Variants in PIBF1 observed in about 807,000 individuals in gnomAD.
The protein encoded by PIBF1 is progesterone-induced-blocking factor 1.
In PIBF1, 90 loss-of-function variants were observed where a neutral mutation model predicts 112.5. That is an observed-to-expected ratio of 0.80 (90% CI 0.67 to 0.95). The LOEUF (loss-of-function observed/expected upper bound fraction) is 0.95, where lower values mean the gene tolerates loss of function less well. Among genes scored for constraint, PIBF1 ranks in the 40% least tolerant of loss-of-function variants. The probability of loss-of-function intolerance (pLI) is 0.00; values close to 1 mark genes in which losing one functional copy is unlikely to be tolerated. For synonymous variants in PIBF1, 301 were observed against 288.6 expected (o/e 1.04, Z -0.44); for missense variants, 915 against 852.3 (o/e 1.07, Z -0.92).
Position 72,973,604 on chromosome 13 carries a change from GA to G in PIBF1, c.1982del (p.Lys661SerfsTer13). The G allele has an allele frequency of 1.3e-6, 2 of 1,536,334 alleles. No individual in the cohort carries two copies. Among genetic ancestry groups the G allele is most frequent in the Non-Finnish European group, 1.8e-6 (2 of 1,139,424 alleles). On this transcript the variant is annotated frameshift_variant, in exon 16 of 18. Transcript: ENST00000326291. LOFTEE classifies it high-confidence loss of function. ...TTTTTTTTTCAGCAACTTAAATAAA[GA>G]AAAGTCAGCTTTACTACAGACGAAG... ...LEKDVSNLNK[E>X]KSALLQTKNQ...
Position 72,981,949 on chromosome 13 carries a change from A to T in PIBF1, c.2049+8274A>T, listed in dbSNP as rs145054486. 5.5e-4 allele frequency among the ~76,000 whole-genome samples: 84 copies of T among 152,354 alleles called. 1 individual carries two copies. The East Asian group carries it at 0.015, about 27-fold the overall frequency. ...CTTGTATTCATATCCCAGCTCTGCT[A>T]CTTAATAGCAGTGCATTTTTGAGAC... On this transcript the variant is annotated intron_variant, in intron 16 of 17. Transcript: ENST00000326291.
intron 14 of PIBF1, among the ~76,000 whole-genome samples, chr13:72,943,395 T>C (rs1298067467): frequency 6.6e-6 from 1 of 152,238 alleles, no homozygotes; most frequent in Non-Finnish European, 1.5e-5. Context: ...TTAAGGTTAT[T>C]GATGTCCTAA....
chr13:72,866,674 A>AT (rs2038940263), intron 10 of PIBF1, among the ~76,000 whole-genome samples: 1 of 152,170 alleles, frequency 6.6e-6, no homozygotes, highest in South Asian at 2.1e-4. Context: ...ACAGTATAAA[A>AT]ACCTAGCTTT....
At chr13:72,927,169 A>G (rs1253254952) in intron 13 of PIBF1, among the ~76,000 whole-genome samples, 3 of 151,876 alleles carry the variant, frequency 2.0e-5, no homozygotes, top group Non-Finnish European at 2.9e-5. Context: ...CCCGGGTTCA[A>G]TAGATTGTTG....
chr13:73,010,457 G>A (rs2044161976), intron 17 of PIBF1, among the ~76,000 whole-genome samples: 1 of 151,934 alleles, frequency 6.6e-6, no homozygotes, highest in Non-Finnish European at 1.5e-5. Flanking sequence ...ACAAAAATTA[G>A]CCAGGGGTGG....
chr13:72,971,202 GTGTA>G (rs56717146), intron 15 of PIBF1, among the ~76,000 whole-genome samples: 13,971 of 82,624 alleles, frequency 0.17, 1,636 homozygotes, highest in African/African-American at 0.36. Context: ...GTGTGTGTGT[GTGTA>G]TGTGTGTGTG....
intron 2 of PIBF1, among the ~76,000 whole-genome samples, chr13:72,783,996 A>G (rs75231513): frequency 0.022 from 3,287 of 151,592 alleles, 135 homozygotes; most frequent in African/African-American, 0.076. Context: ...CAAGAGATCT[A>G]TTGGACAGCA....
chr13:72,980,372 A>C (rs997927024), intron 16 of PIBF1, among the ~76,000 whole-genome samples: 10 of 152,356 alleles, frequency 6.6e-5, no homozygotes, highest in African/African-American at 2.4e-4. Context: ...AGTGACGAGC[A>C]TCAGGAAGAG....
At chr13:72,915,149 GATATAT>G (rs142559850) in intron 12 of PIBF1, among the ~76,000 whole-genome samples, 2 of 150,418 alleles carry the variant, frequency 1.3e-5, no homozygotes, top group Non-Finnish European at 3.0e-5. Context: ...GTTATATGCA[GATATAT>G]ATATATATAC....
chr13:72,997,930 C>A (rs1344857600), intron 16 of PIBF1, among the ~76,000 whole-genome samples: 1 of 152,076 alleles, frequency 6.6e-6, no homozygotes, highest in Non-Finnish European at 1.5e-5. Flanking sequence ...AAGACAAATA[C>A]ACTTGGGAGC....
intron 9 of PIBF1, among the ~76,000 whole-genome samples, chr13:72,853,164 C>G (rs1184720407): frequency 2.0e-5 from 3 of 151,890 alleles, no homozygotes; most frequent in Non-Finnish European, 4.4e-5. Context: ...TCTTTGGAAG[C>G]TCATGGCTAG....
intron 14 of PIBF1, among the ~76,000 whole-genome samples, chr13:72,946,674 G>A (rs946514549): frequency 6.6e-6 from 1 of 152,180 alleles, no homozygotes; most frequent in African/African-American, 2.4e-5. Flanking sequence ...ATTTCAAGTG[G>A]GAGAAACTGG....
At chr13:72,838,838 A>C (rs2037473405) in intron 9 of PIBF1, among the ~76,000 whole-genome samples, 3 of 152,224 alleles carry the variant, frequency 2.0e-5, no homozygotes, top group African/African-American at 4.8e-5. Context: ...GAACTAAGGA[A>C]GGAAAGGAAA....
intron 13 of PIBF1, among the ~76,000 whole-genome samples, chr13:72,923,856 C>T (rs1226395673): frequency 1.3e-5 from 2 of 152,208 alleles, no homozygotes; most frequent in East Asian, 3.9e-4. Context: ...CCCAGCTGTT[C>T]CAGAGACTGA....
intron 10 of PIBF1, among the ~76,000 whole-genome samples, chr13:72,865,699 T>A (rs2038897783): frequency 1.3e-5 from 2 of 152,190 alleles, no homozygotes; most frequent in Admixed American, 1.3e-4. Context: ...AGTTACACTG[T>A]TACTAGAAAC....
intron 10 of PIBF1, among the ~76,000 whole-genome samples, chr13:72,866,831 G>C (rs142495173): frequency 9.2e-5 from 14 of 152,054 alleles, no homozygotes; most frequent in African/African-American, 3.4e-4. Context: ...TCATTCAAGT[G>C]ATTCCTGATT....
chr13:72,782,341 A>G lies in PIBF1; in HGVS notation c.-56A>G, dbSNP rs1056547966. On this transcript the variant is annotated 5_prime_UTR_variant, in exon 1 of 18. Transcript: ENST00000326291. ...AAGGCTTCAGTGTGGAGTAATTGAC[A>G]CTTTCGAGGTAACTTGCGACTATCA... The G allele has an allele frequency of 2.6e-5, 4 of 153,408 alleles. No homozygotes were observed. Among genetic ancestry groups the G allele is most frequent in the Non-Finnish European group, 5.8e-5 (4 of 68,836 alleles). 9.5% of individuals were successfully genotyped at this position (153,408 alleles called of 1,614,324 possible).
intron 14 of PIBF1, among the ~76,000 whole-genome samples, chr13:72,963,951 A>G (rs555863529): frequency 5.3e-5 from 8 of 152,326 alleles, no homozygotes; most frequent in African/African-American, 1.9e-4. Context: ...TAGAATTACC[A>G]TATGACCTAA....
In PIBF1 at chr13:72,782,160, G is replaced by T. The variant is rs1002978190; in HGVS notation, c.-237G>T. On this transcript the variant is annotated 5_prime_UTR_variant, in exon 1 of 18. Transcript: ENST00000326291. ...AGTTGACTTCCGGCGGCTTGTGGGA[G>T]TGCTGGTTCTGTCCTCCTTGCGGGT... 2 of 287,446 alleles carry T rather than the reference G, an allele frequency of 7.0e-6. No homozygotes were observed. Among genetic ancestry groups the T allele is most frequent in the Non-Finnish European group, 1.3e-5 (2 of 153,268 alleles). 17.8% of individuals were successfully genotyped at this position (287,446 alleles called of 1,614,324 possible). A position where few individuals can be genotyped will look rare whatever the true frequency, so the allele number is the denominator to read the frequency against.
Sources: allele counts gnomAD v4.1 joint callset (sites outside exome capture counted in the v4.1 genomes callset), GRCh38; gene constraint gnomAD v4.1.1; transcripts MANE v1.5; gene names NCBI Gene and HGNC (gene_info 2026-07-23, HGNC 2026-07-21).